Variants in PRKCI observed in about 807,000 individuals in gnomAD.
PRKCI encodes protein kinase C iota.
In PRKCI, 43 loss-of-function variants were observed where a neutral mutation model predicts 84.0. That is an observed-to-expected ratio of 0.51 (90% CI 0.40 to 0.66). The LOEUF (loss-of-function observed/expected upper bound fraction) is 0.66. Among genes scored for constraint, PRKCI ranks in the 30% least tolerant of loss-of-function variants. The pLI, the probability that PRKCI is intolerant of heterozygous loss-of-function variation, is 0.00. For missense variants in PRKCI, 459 were observed against 745.6 expected, an observed-to-expected ratio of 0.62 and a Z score of 4.48; for synonymous variants, 216 against 234.4, an observed-to-expected ratio of 0.92 and a Z score of 0.72.
chr3:170,268,135 G>C, intron 5 of PRKCI, 135 bp downstream of exon 5: 1 of 665,050 alleles, frequency 1.5e-6, no homozygotes, highest in Non-Finnish European at 2.4e-6. Flanking sequence ...TACATTTCCA[G>C]TTTGCCTGAG....
intron 12 of PRKCI, among the ~76,000 whole-genome samples, chr3:170,285,078 C>CTTTTT (rs199832004): frequency 1.6e-4 from 21 of 129,782 alleles, no homozygotes; most frequent in South Asian, 2.5e-4. Flanking sequence ...GTCTTCATTT[C>CTTTTT]TTTTTTTTTT....
At chr3:170,249,728 T>C (rs1430929068) in intron 2 of PRKCI, among the ~76,000 whole-genome samples, 2 of 150,176 alleles carry the variant, frequency 1.3e-5, no homozygotes, top group Non-Finnish European at 3.0e-5. Context: ...GCCTGGGAGG[T>C]CAAGGCTGCA....
intron 17 of PRKCI, among the ~76,000 whole-genome samples, chr3:170,302,208 A>C (rs576465043): frequency 6.6e-6 from 1 of 152,266 alleles, no homozygotes; most frequent in South Asian, 2.1e-4. Context: ...CCTGTGCTCC[A>C]CCCTAATTAC....
intron 2 of PRKCI, among the ~76,000 whole-genome samples, chr3:170,241,140 AT>A (rs1263975916): frequency 2.0e-5 from 3 of 152,212 alleles, no homozygotes; most frequent in Admixed American, 6.5e-5. Flanking sequence ...GAATGAAAAA[AT>A]CAGGGTAATT....
chr3:170,266,768 A>G (rs1472837222), intron 4 of PRKCI, among the ~76,000 whole-genome samples: 1 of 152,144 alleles, frequency 6.6e-6, no homozygotes, highest in Non-Finnish European at 1.5e-5. Context: ...TGAGGCAGAC[A>G]GATCACCTGA....
chr3:170,269,649 AAAATAAATAAATAAATAAAAAGAG>A (rs1472033838), intron 5 of PRKCI, among the ~76,000 whole-genome samples: 1 of 152,064 alleles, frequency 6.6e-6, no homozygotes, highest in Non-Finnish European at 1.5e-5. Flanking sequence ...CTGTCTCTTA[AAAATAAATAAATAAATAAAAAGAG>A]AGACCAAGTG....
At chr3:170,228,253 C>G (rs1262144631) in intron 1 of PRKCI, among the ~76,000 whole-genome samples, 1 of 151,920 alleles carries the variant, frequency 6.6e-6, no homozygotes, top group Non-Finnish European at 1.5e-5. Context: ...ACACCAGTGG[C>G]CAAATACAGA....
In PRKCI at chr3:170,258,409, G is replaced by A. The variant is rs114130793; in HGVS notation, c.224-1560G>A. 6.7e-3 allele frequency among the ~76,000 whole-genome samples: 1,021 copies of A among 151,920 alleles called. 8 individuals carry two copies. Among genetic ancestry groups the A allele is most frequent in the Non-Finnish European group, 8.0e-3 (544 of 67,958 alleles). On this transcript the variant is annotated intron_variant, in intron 2 of 17. Coordinates refer to ENST00000295797, the MANE Select transcript of PRKCI (RefSeq NM_002740.6). ...CACCCTCTGCTTCCTAGGTTCAAGCGATTCTTCTGCCTTAGCCTCCCGAGT... is the reference window on the plus strand; with the variant it reads ...CACCCTCTGCTTCCTAGGTTCAAGCAATTCTTCTGCCTTAGCCTCCCGAGT...
intron 2 of PRKCI, among the ~76,000 whole-genome samples, chr3:170,247,446 T>G (rs1733313523): frequency 6.6e-6 from 1 of 151,628 alleles, no homozygotes; most frequent in East Asian, 1.9e-4. Context: ...ATGTGAATGT[T>G]GAGGCTGGAT....
intron 1 of PRKCI, among the ~76,000 whole-genome samples, chr3:170,234,788 AT>A (rs984321708): frequency 6.6e-6 from 1 of 151,852 alleles, no homozygotes; most frequent in Non-Finnish European, 1.5e-5. Context: ...TATGTATTTG[AT>A]TTTTTTGTTT....
intron 3 of PRKCI, among the ~76,000 whole-genome samples, chr3:170,262,971 C>A (rs1409266357): frequency 6.6e-6 from 1 of 151,422 alleles, no homozygotes; most frequent in African/African-American, 2.4e-5. Context: ...GAGATCGAGA[C>A]CATCCTGGCT....
intron 7 of PRKCI, among the ~76,000 whole-genome samples, chr3:170,274,387 G>A (rs764795731): frequency 2.6e-5 from 4 of 152,166 alleles, no homozygotes; most frequent in Non-Finnish European, 5.9e-5. Context: ...ACCCGCCTTG[G>A]CCTCCCAAAG....
At chr3:170,227,527 A>G (rs887273556) in intron 1 of PRKCI, among the ~76,000 whole-genome samples, 2 of 152,214 alleles carry the variant, frequency 1.3e-5, no homozygotes, top group Admixed American at 1.3e-4. Context: ...CTTTTAAAGG[A>G]TAACTAGGAG....
At chr3:170,241,140 A>G (rs1311897792) in intron 2 of PRKCI, among the ~76,000 whole-genome samples, 1 of 152,212 alleles carries the variant, frequency 6.6e-6, no homozygotes, top group Non-Finnish European at 1.5e-5. Flanking sequence ...GAATGAAAAA[A>G]TCAGGGTAAT....
chr3:170,280,293 C>A lies in PRKCI; in HGVS notation c.772C>A (p.Arg258=), dbSNP rs138560118. ...AGGTCTTCAGGATTTTGATTTGCTC[C>A]GGGTAATAGGAAGAGGAAGTTATGC... The part of the protein sequence containing the change: ...SLGLQDFDLL[R]VIGRGSYAKV... The change falls in exon 9 of 18, where the codon CGG becomes AGG. Residue 258 remains arginine, a synonymous_variant. Coordinates refer to ENST00000295797, the MANE Select transcript of PRKCI (RefSeq NM_002740.6). 1 of 1,612,776 alleles carries A rather than the reference C, an allele frequency of 6.2e-7. No homozygotes were observed. The highest frequency in any genetic ancestry group is 8.5e-7 in the Non-Finnish European group (1 of 1,179,870).
intron 1 of PRKCI, among the ~76,000 whole-genome samples, chr3:170,230,678 T>C (rs1318408752): frequency 6.6e-6 from 1 of 152,208 alleles, no homozygotes; most frequent in Admixed American, 6.6e-5. Flanking sequence ...TCTGGTATTT[T>C]GGGGTTTAGT....
intron 2 of PRKCI, among the ~76,000 whole-genome samples, chr3:170,254,352 C>T (rs747292910): frequency 6.6e-6 from 1 of 152,006 alleles, no homozygotes; most frequent in Admixed American, 6.6e-5. Context: ...CCTGTGATTG[C>T]GGGGTGCTAC....
chr3:170,284,729 C>G, intron 12 of PRKCI, 133 bp downstream of exon 12: 2 of 1,101,218 alleles, frequency 1.8e-6, no homozygotes, highest in Non-Finnish European at 2.6e-6. Flanking sequence ...AATTCTAGCA[C>G]AAAGACAAAT....
At chr3:170,235,817 G>A (rs879547122) in intron 2 of PRKCI, among the ~76,000 whole-genome samples, 3 of 151,874 alleles carry the variant, frequency 2.0e-5, no homozygotes, top group Non-Finnish European at 4.4e-5. Flanking sequence ...TGCCCACCTC[G>A]GCCTCCCAAA....
Sources: allele counts gnomAD v4.1 joint callset (sites outside exome capture counted in the v4.1 genomes callset), GRCh38; gene constraint gnomAD v4.1.1; transcripts MANE v1.5; gene names NCBI Gene and HGNC (gene_info 2026-07-23, HGNC 2026-07-21).